The following TNRC18 variants were observed in gnomAD, a reference collection of about 807,000 sequenced individuals.
TNRC18 encodes trinucleotide repeat containing 18.
Under a neutral mutation model 226.7 loss-of-function variants are expected in TNRC18, and 69 were observed. That is an observed-to-expected ratio of 0.30 (90% CI 0.25 to 0.37). The LOEUF is 0.37. Among genes scored for constraint, TNRC18 ranks in the 10% least tolerant of loss-of-function variants. The pLI, the probability that TNRC18 is intolerant of heterozygous loss-of-function variation, is 1.00. For synonymous variants in TNRC18, 2,449 were observed against 1,927.6 expected (o/e 1.27, Z -7.09); for missense variants, 4,754 against 4,256.6 (o/e 1.12, Z -3.25).
rs375702369 is a variant in TNRC18 at position 5,333,030 on chromosome 7, G to A, written c.5739C>T (p.Thr1913=). The A allele has an allele frequency of 2.5e-6, 4 of 1,577,232 alleles. No individual in the cohort carries two copies. Among genetic ancestry groups the A allele is most frequent in the South Asian group, 2.3e-5 (2 of 87,528 alleles). ...QSLLGTEFEY[T]DSESEVKVRK... is the part of the protein sequence containing the mutation. ...GCACCTTGACCTCGCTCTCTGAGTC[G>A]GTGTACTCGAACTCTGTGCCTGAAC... is the stretch of plus-strand genomic sequence containing the variant. Residue 1913 remains threonine (T), a synonymous_variant, in exon 19 of 30, where the codon ACC becomes ACT. Coordinates refer to ENST00000430969, the MANE Select transcript of TNRC18 (RefSeq NM_001080495.3).
intron 2 of TNRC18, among the ~76,000 whole-genome samples, chr7:5,412,263 AAAAG>A (rs1781892312): frequency 6.6e-6 from 1 of 150,570 alleles, no homozygotes; most frequent in African/African-American, 2.5e-5. Context: ...AAAAAAAAAA[AAAAG>A]ACATTAATTC....
intron 2 of TNRC18, among the ~76,000 whole-genome samples, chr7:5,406,173 CA>C (rs1781450762): frequency 6.6e-6 from 1 of 152,138 alleles, no homozygotes; most frequent in African/African-American, 2.4e-5. Context: ...ACATAAACAA[CA>C]AATACTAGGG....
In TNRC18 at chr7:5,359,480, T is replaced by C. The variant is rs769594705; in HGVS notation, c.4751A>G (p.Asp1584Gly). The change falls in exon 15 of 30, where the codon GAT (aspartate) becomes GGT (glycine). Residue 1584 changes from aspartate (D) to glycine (G), a missense_variant. Asp to Gly is a moderately conservative substitution (Grantham distance 94). Transcript: ENST00000430969. The stretch of plus-strand genomic sequence containing the variant: ...GGCTTTCCCCATTCCGATGAGGGCA[T>C]CATGTTCCTCCTCAGACCCCTTGTG... ...KRHKGSEEEH[D>G]ALIGMGKARG... 3 of 1,614,010 alleles carry C rather than the reference T, an allele frequency of 1.9e-6. No individual in the cohort carries two copies. Among genetic ancestry groups the C allele is most frequent in the South Asian group, 2.2e-5 (2 of 91,088 alleles).
chr7:5,348,906 G>A (rs1791491029), intron 17 of TNRC18, among the ~76,000 whole-genome samples: 1 of 143,448 alleles, frequency 7.0e-6, no homozygotes, highest in African/African-American at 2.5e-5. Flanking sequence ...CAGCGCCTGG[G>A]TCCCCCACAT....
intron 11 of TNRC18, among the ~76,000 whole-genome samples, chr7:5,367,510 C>T (rs181060436): frequency 1.1e-4 from 17 of 151,460 alleles, no homozygotes; most frequent in African/African-American, 4.1e-4. Context: ...TCACTGCAAC[C>T]TCCGCCTCCC....
intron 2 of TNRC18, among the ~76,000 whole-genome samples, chr7:5,404,145 G>A (rs1441193942): frequency 6.6e-6 from 1 of 152,236 alleles, no homozygotes; most frequent in African/African-American, 2.4e-5. Context: ...GGCCAAGGCG[G>A]TTCGATCACA....
Position 5,345,634 on chromosome 7 carries a change from G to T in TNRC18, c.5647C>A (p.Pro1883Thr), listed in dbSNP as rs754792163. Residue 1883 changes from proline to threonine, a missense_variant, in exon 18 of 30, where the codon CCA (proline) becomes ACA (threonine). Transcript: ENST00000430969. ...TCCAGCTGTACCACAGACAGGGATG[G>T]ACCCACCGTGGGGCTGGGGAGGGCG... Reference protein sequence around the residue: ...ASALPSPTVGPSLSVVQLEAK... With the variant: ...ASALPSPTVGTSLSVVQLEAK... The T allele has an allele frequency of 1.3e-6, 2 of 1,558,216 alleles. No homozygotes were observed. The highest frequency in any genetic ancestry group is 1.7e-6 in the Non-Finnish European group (2 of 1,151,496).
At chr7:5,391,200 G>A (rs1402526224) in intron 3 of TNRC18, among the ~76,000 whole-genome samples, 1 of 152,046 alleles carries the variant, frequency 6.6e-6, no homozygotes, top group Non-Finnish European at 1.5e-5. Flanking sequence ...CTCCCAGGCA[G>A]GAGCTGCCAG....
In TNRC18 at chr7:5,335,710, A is replaced by C. The variant is rs1400051086; in HGVS notation, c.5720-2661T>G. 2.0e-5 allele frequency among the ~76,000 whole-genome samples: 3 copies of C among 151,698 alleles called. No individual in the cohort carries two copies. The East Asian group carries it at 5.8e-4, about 29-fold the overall frequency. On this transcript the variant is annotated intron_variant, in intron 18 of 29. Transcript: ENST00000430969. The stretch of plus-strand genomic sequence containing the variant: ...CTGAAACTACCTATACACAGAATAG[A>C]CTCCAAGCAGCCCAGGGCTCAGCAA...
chr7:5,371,011 C>A lies in TNRC18; in HGVS notation c.3583G>T (p.Gly1195Cys). ...EAMATPSPAG[G>C]CGGGLLEAQA... ...GCCTCCAACAGGCCACCTCCACAAC[C>A]CCCTGCAGGGCTGGGGGTAGCCATG... The change falls in exon 11 of 30, where the codon GGT becomes TGT. Residue 1195 changes from glycine (G) to cysteine (C), a missense_variant. Transcript: ENST00000430969. The A allele has an allele frequency of 6.2e-7, 1 of 1,608,268 alleles. No homozygotes were observed. Among genetic ancestry groups the A allele is most frequent in the Non-Finnish European group, 8.5e-7 (1 of 1,179,730 alleles).
chr7:5,354,141 C>T (rs1792111083), intron 16 of TNRC18, among the ~76,000 whole-genome samples: 2 of 151,800 alleles, frequency 1.3e-5, no homozygotes, highest in African/African-American at 2.4e-5. Context: ...AGGCGGAGGT[C>T]GCAGTGAGCC....
chr7:5,359,987 G>A (rs1237346255), intron 14 of TNRC18, among the ~76,000 whole-genome samples: 17 of 151,328 alleles, frequency 1.1e-4, no homozygotes, highest in Admixed American at 1.1e-3. Context: ...TTTCCAGTAA[G>A]GGAAAAAAAA....
rs1254497478 is a variant in TNRC18, at chr7:5,377,488, C to G, written c.2344G>C (p.Gly782Arg). Residue 782 changes from glycine to arginine, a missense_variant, in exon 7 of 30, where the codon GGC (glycine) becomes CGC (arginine). Transcript: ENST00000430969. This position sits in a 1 kb window ranked among gnomAD's most constrained non-coding sequence, Gnocchi z 5.8. ...CGACCTGAGCCCGCCAGCGCCGGGCCCCCCGTCACCATGAGGTTGGGGTTC... is the reference window on the plus strand; with the variant it reads ...CGACCTGAGCCCGCCAGCGCCGGGCGCCCCGTCACCATGAGGTTGGGGTTC... ...GLNPNLMVTG[G>R]PALAGSGRWS... 9 of 1,582,854 alleles carry G rather than the reference C, an allele frequency of 5.7e-6. No homozygotes were observed. Among genetic ancestry groups the G allele is most frequent in the Non-Finnish European group, 7.7e-6 (9 of 1,165,442 alleles).
At chr7:5,374,578 C>T (rs948279445) in intron 9 of TNRC18, 94 bp from the exon 10 acceptor site, 41 of 1,306,162 alleles carry the variant, frequency 3.1e-5, no homozygotes, top group South Asian at 5.9e-5. Context: ...TCCCCGAGTC[C>T]GAGGAGAACC....
intron 22 of TNRC18, among the ~76,000 whole-genome samples, chr7:5,320,869 G>A (rs561854121): frequency 9.6e-4 from 146 of 152,352 alleles, no homozygotes; most frequent in Admixed American, 2.7e-3. Context: ...GAGCAGCCGC[G>A]CCCAGCCCCT....
At chr7:5,348,000 C>T (rs1025817429) in intron 17 of TNRC18, among the ~76,000 whole-genome samples, 5 of 152,130 alleles carry the variant, frequency 3.3e-5, no homozygotes, top group Non-Finnish European at 7.3e-5. Flanking sequence ...AAAGAAGCCC[C>T]AGCCTGCCTC....
At chr7:5,335,679 A>G (rs1790029661) in intron 18 of TNRC18, among the ~76,000 whole-genome samples, 1 of 151,766 alleles carries the variant, frequency 6.6e-6, no homozygotes, top group Admixed American at 6.6e-5. Flanking sequence ...GTGTCTCTAA[A>G]TGGCCCTGAA....
intron 27 of TNRC18, among the ~76,000 whole-genome samples, chr7:5,310,392 G>A (rs138866031): frequency 0.028 from 4,184 of 152,116 alleles, 117 homozygotes; most frequent in Admixed American, 0.071. Context: ...ACCACGCCTG[G>A]CTAATTTTTG....
At chr7:5,346,961 G>A (rs1202079106) in intron 17 of TNRC18, among the ~76,000 whole-genome samples, 3 of 152,166 alleles carry the variant, frequency 2.0e-5, no homozygotes, top group African/African-American at 7.2e-5. Flanking sequence ...GGATGCCCAG[G>A]AAGGGCAGGG....
Sources: gnomAD v4.1 joint callset for allele counts (sites outside exome capture counted in the v4.1 genomes callset) on GRCh38, gnomAD v4.1.1 for gene constraint, Gnocchi (gnomAD v3.1) non-coding constraint, MANE v1.5 for transcripts, NCBI Gene and HGNC (gene_info 2026-07-23, HGNC 2026-07-21) for gene names.